The following ADGRB3 variants were observed in gnomAD, a reference collection of about 807,000 sequenced individuals.
The protein encoded by ADGRB3 is adhesion G protein-coupled receptor B3.
In ADGRB3, 37 loss-of-function variants were observed where a neutral mutation model predicts 193.4. The ratio of observed to expected loss-of-function variants is 0.19; its 90% confidence interval spans 0.15 to 0.25. ADGRB3 has a LOEUF of 0.25. Ranked by LOEUF, ADGRB3 falls within the 10% of genes least tolerant of loss-of-function variation. ADGRB3 has a pLI of 1.00. For missense variants in ADGRB3, 1,637 were observed against 1,852.9 expected (o/e 0.88, Z 2.14); for synonymous variants, 690 against 644.2 (o/e 1.07, Z -1.08).
At chr6:69,262,567 A>C (rs1190946199) in intron 20 of ADGRB3, among the ~76,000 whole-genome samples, 1 of 151,908 alleles carries the variant, frequency 6.6e-6, no homozygotes, top group East Asian at 1.9e-4. Context: ...CTCCAACCCC[A>C]TATGAAAATT....
In ADGRB3 at chr6:68,692,454, A is replaced by G. The variant is rs145427549; in HGVS notation, c.757+53022A>G. On this transcript the variant is annotated intron_variant, in intron 3 of 31. Transcript: ENST00000370598. ...AAAGTATATTTACTCTTTGATCTTG[A>G]ACTCTTCCTTTTTATAATTTTTTCC... is the stretch of plus-strand genomic sequence containing the variant. Among the ~76,000 whole-genome samples the G allele has an allele frequency of 4.8e-3, 730 of 152,024 alleles. 4 individuals carry two copies. Among genetic ancestry groups the G allele is most frequent in the African/African-American group, 0.017 (696 of 41,534 alleles).
chr6:68,849,014 T>A (rs1242255471), intron 3 of ADGRB3, among the ~76,000 whole-genome samples: 1 of 151,956 alleles, frequency 6.6e-6, no homozygotes. Context: ...AGAGTACATA[T>A]AAGATTGATT....
chr6:68,781,900 A>G (rs1170442502), intron 3 of ADGRB3, among the ~76,000 whole-genome samples: 3 of 152,254 alleles, frequency 2.0e-5, no homozygotes, highest in South Asian at 4.1e-4. Context: ...TACAAGCGAA[A>G]GAAGGGAAGT....
chr6:69,170,408 TA>T (rs1237528986), intron 17 of ADGRB3, among the ~76,000 whole-genome samples: 1 of 152,188 alleles, frequency 6.6e-6, no homozygotes, highest in Non-Finnish European at 1.5e-5. Context: ...TGGCCCTTGC[TA>T]TTTCTCCAGG....
chr6:68,698,251 G>T (rs557291137), intron 3 of ADGRB3, among the ~76,000 whole-genome samples: 3 of 151,988 alleles, frequency 2.0e-5, no homozygotes, highest in South Asian at 4.1e-4. Flanking sequence ...TTTTTATGTG[G>T]TTGGTAGTGC....
At chr6:69,360,429 C>T (rs762451875) in intron 28 of ADGRB3, among the ~76,000 whole-genome samples, 7 of 151,796 alleles carry the variant, frequency 4.6e-5, no homozygotes, top group Non-Finnish European at 7.4e-5. Context: ...TTTTAATGAG[C>T]GTAACTTCTA....
intron 3 of ADGRB3, among the ~76,000 whole-genome samples, chr6:68,831,502 G>A (rs796925107): frequency 5.3e-5 from 8 of 152,156 alleles, no homozygotes; most frequent in African/African-American, 1.9e-4. Context: ...AGATATAGAA[G>A]TCTGTTTGGT....
At chr6:69,078,040 T>G (rs2150313334) in intron 17 of ADGRB3, among the ~76,000 whole-genome samples, 1 of 152,116 alleles carries the variant, frequency 6.6e-6, no homozygotes, top group Non-Finnish European at 1.5e-5. Flanking sequence ...TACACAATAG[T>G]TTTATTGATG....
At chr6:69,256,746 T>C (rs1766781659) in intron 20 of ADGRB3, among the ~76,000 whole-genome samples, 2 of 152,204 alleles carry the variant, frequency 1.3e-5, no homozygotes, top group Non-Finnish European at 2.9e-5. Context: ...CTATGCTGAA[T>C]AGGAGTGGTG....
intron 22 of ADGRB3, among the ~76,000 whole-genome samples, chr6:69,329,845 A>G (rs992182403): frequency 2.6e-5 from 4 of 152,076 alleles, no homozygotes; most frequent in Admixed American, 1.3e-4. Context: ...TTTCTCCCCA[A>G]ATGGATTATC....
At chr6:69,303,283 T>C (rs1767986360) in intron 20 of ADGRB3, among the ~76,000 whole-genome samples, 1 of 151,498 alleles carries the variant, frequency 6.6e-6, no homozygotes, top group African/African-American at 2.4e-5. Context: ...TTTAGAGAAA[T>C]AAAAAAGCGA....
chr6:69,179,864 T>C (rs1403208323), intron 17 of ADGRB3, among the ~76,000 whole-genome samples: 3 of 152,198 alleles, frequency 2.0e-5, no homozygotes, highest in Non-Finnish European at 4.4e-5. Context: ...TGACTAGGCA[T>C]GTACTTGATC....
At chr6:68,867,338 C>T (rs1299644413) in intron 3 of ADGRB3, among the ~76,000 whole-genome samples, 1 of 152,210 alleles carries the variant, frequency 6.6e-6, no homozygotes, top group African/African-American at 2.4e-5. Context: ...TTGGTGGCTT[C>T]CATGTGGTGT....
intron 11 of ADGRB3, among the ~76,000 whole-genome samples, chr6:68,995,404 G>C (rs1456062938): frequency 6.6e-6 from 1 of 152,076 alleles, no homozygotes; most frequent in Non-Finnish European, 1.5e-5. Flanking sequence ...AAAGTGTAGG[G>C]CTTCAAAATT....
intron 5 of ADGRB3, among the ~76,000 whole-genome samples, chr6:68,940,885 G>A (rs1259064810): frequency 2.0e-5 from 3 of 152,040 alleles, no homozygotes; most frequent in Non-Finnish European, 2.9e-5. Flanking sequence ...GTGAGACTCC[G>A]TCTCAAAATA....
intron 3 of ADGRB3, among the ~76,000 whole-genome samples, chr6:68,766,633 A>G (rs1013620973): frequency 1.3e-5 from 2 of 152,038 alleles, no homozygotes; most frequent in Non-Finnish European, 2.9e-5. Context: ...TGTTTTAATA[A>G]AACATTTCCT....
At chr6:69,114,582 C>T (rs1035921110) in intron 17 of ADGRB3, among the ~76,000 whole-genome samples, 3 of 152,122 alleles carry the variant, frequency 2.0e-5, no homozygotes, top group African/African-American at 4.8e-5. Flanking sequence ...AAAGTCTTTG[C>T]CCATGCCTAT....
intron 20 of ADGRB3, among the ~76,000 whole-genome samples, chr6:69,321,765 T>C (rs1768461009): frequency 6.6e-6 from 1 of 151,866 alleles, no homozygotes; most frequent in Admixed American, 6.6e-5. Context: ...AAAATTGCTA[T>C]TCATAAAAGT....
intron 24 of ADGRB3, 84 bp from the exon 25 acceptor site, chr6:69,338,832 T>C: frequency 8.6e-7 from 1 of 1,156,340 alleles, no homozygotes; most frequent in South Asian, 1.3e-5. Flanking sequence ...GAAATCGTAT[T>C]TAAAAGCTAA....
Sources: allele counts gnomAD v4.1 joint callset (sites outside exome capture counted in the v4.1 genomes callset), GRCh38; gene constraint gnomAD v4.1.1; transcripts MANE v1.5; gene names NCBI Gene and HGNC (gene_info 2026-07-23, HGNC 2026-07-21).